The following TEC variants were observed in gnomAD, a reference collection of about 807,000 sequenced individuals.
TEC encodes the protein tyrosine-protein kinase Tec.
A neutral mutation model predicts 93.0 loss-of-function variants in TEC; 72 were observed. The ratio of observed to expected loss-of-function variants is 0.77; its 90% CI spans 0.64 to 0.94. TEC has a LOEUF of 0.94. Ranked by LOEUF, TEC falls within the 40% of genes least tolerant of loss-of-function variation. The pLI is 0.00. For synonymous variants in TEC, 249 were observed against 247.7 expected (o/e 1.01, Z -0.05); for missense variants, 630 against 757.9 (o/e 0.83, Z 1.98).
intron 2 of TEC, among the ~76,000 whole-genome samples, chr4:48,177,892 C>T (rs990941588): frequency 2.7e-4 from 41 of 152,258 alleles, no homozygotes; most frequent in African/African-American, 9.4e-4. Flanking sequence ...TCTTGCCTGC[C>T]GCCATGTAAG....
At position 48,145,569 on chromosome 4, in the gene TEC, C is replaced by T; in HGVS notation, c.1092G>A (p.Glu364=). ...TAAAGGTCAGTTCTGAAGGGTTAAT[C>T]TCCCATTTCTCTGCAGGACAGAAAG... is the stretch of plus-strand genomic sequence containing the variant. The part of the protein sequence containing the change: ...TTAGFSYEKW[E]INPSELTFMR... The change falls in exon 13 of 18, where the codon GAG becomes GAA. Residue 364 remains glutamate (E), a synonymous_variant. Transcript: ENST00000381501. 3.7e-6 allele frequency: 6 copies of T among 1,614,070 alleles called. No homozygotes were observed. The highest frequency in any genetic ancestry group is 5.1e-6 in the Non-Finnish European group (6 of 1,179,990).
intron 2 of TEC, among the ~76,000 whole-genome samples, chr4:48,179,372 A>G (rs56981952): frequency 7.4e-5 from 2 of 27,122 alleles, no homozygotes; most frequent in African/African-American, 1.4e-4. Flanking sequence ...ATATATATAT[A>G]TATATTTTTT....
chr4:48,244,649 C>T (rs1017765117), intron 1 of TEC, among the ~76,000 whole-genome samples: 2 of 152,198 alleles, frequency 1.3e-5, no homozygotes, highest in African/African-American at 2.4e-5. Flanking sequence ...TTCAACAAAA[C>T]ATTTTATTTA....
intron 2 of TEC, among the ~76,000 whole-genome samples, chr4:48,198,715 C>T (rs772387012): frequency 6.6e-6 from 1 of 151,726 alleles, no homozygotes; most frequent in Non-Finnish European, 1.5e-5. Flanking sequence ...TTTAAAAGGC[C>T]CCAGCTGGAA....
At chr4:48,257,951 G>A (rs2109676605) in intron 1 of TEC, among the ~76,000 whole-genome samples, 1 of 152,290 alleles carries the variant, frequency 6.6e-6, no homozygotes. Flanking sequence ...GAAGCAACAT[G>A]AAAATGGGTA....
chr4:48,151,349 ATT>A (rs1260200045), intron 9 of TEC, among the ~76,000 whole-genome samples: 1 of 152,162 alleles, frequency 6.6e-6, no homozygotes, highest in Non-Finnish European at 1.5e-5. Flanking sequence ...CATTTTTTGT[ATT>A]TGTTATAAGC....
chr4:48,150,924 TA>T lies in TEC; in HGVS notation c.810del (p.Phe270LeufsTer3). ...CCTGGTTGACTGGAATCCCTTACCATAAAACCACCTTCTTTATCCTAAAATC... is the reference window on the plus strand; with the variant it reads ...CCTGGTTGACTGGAATCCCTTACCATAAACCACCTTCTTTATCCTAAAATC... ...LLRSEDKEGG[F>X]MVRDSSQPGL... On this transcript the variant is annotated frameshift_variant, in exon 10 of 18. Transcript: ENST00000381501. LOFTEE classifies it high-confidence loss of function. The T allele has an allele frequency of 6.3e-7, 1 of 1,587,118 alleles. No individual in the cohort carries two copies. Among genetic ancestry groups the T allele is most frequent in the Non-Finnish European group, 8.6e-7 (1 of 1,167,720 alleles).
rs1719447620 is a variant in TEC, at chr4:48,136,880, CT to C, written c.*535del. ...GCATACAAATATTGTTCATGTAATA[CT>C]AAGAGCAGTCTTGAAAACTGAGATG... On this transcript the variant is annotated 3_prime_UTR_variant, in exon 18 of 18. Coordinates refer to ENST00000381501, the MANE Select transcript of TEC (RefSeq NM_003215.3). 2 of 151,860 alleles carry C rather than the reference CT, an allele frequency of 1.3e-5. No individual in the cohort carries two copies. Among genetic ancestry groups the C allele is most frequent in the Non-Finnish European group, 2.9e-5 (2 of 68,020 alleles). 9.4% of individuals were successfully genotyped at this position (151,860 alleles called of 1,614,324 possible).
chr4:48,233,232 AG>A (rs1723694172), intron 1 of TEC, among the ~76,000 whole-genome samples: 1 of 152,184 alleles, frequency 6.6e-6, no homozygotes, highest in African/African-American at 2.4e-5. Context: ...AAAGTCTTGA[AG>A]ACACAGACAT....
At chr4:48,184,856 A>G (rs1721737884) in intron 2 of TEC, among the ~76,000 whole-genome samples, 1 of 151,954 alleles carries the variant, frequency 6.6e-6, no homozygotes, top group Non-Finnish European at 1.5e-5. Flanking sequence ...AGAAGACAAA[A>G]TTTAGAACTT....
rs1426079303 is a variant in TEC at position 48,253,535 on chromosome 4, A to G, written c.-46+16217T>C. 2.7e-5 allele frequency among the ~76,000 whole-genome samples: 4 copies of G among 149,258 alleles called. No homozygotes were observed. In the East Asian group the frequency reaches 7.8e-4, roughly 29 times the overall value. ...TTCCACCTGCATACTCCTTAGGGTC[A>G]TTCCTCAATCCTAAATAAATGTAAT... is the stretch of plus-strand genomic sequence containing the variant. On this transcript the variant is annotated intron_variant, in intron 1 of 17. Transcript: ENST00000381501.
chr4:48,194,103 G>A (rs16861114), intron 2 of TEC, among the ~76,000 whole-genome samples: 4,526 of 152,266 alleles, frequency 0.03, 128 homozygotes, highest in African/African-American at 0.077. Flanking sequence ...ATAACCCAGA[G>A]CAATGACAGC....
At chr4:48,156,441 G>A (rs1029524088) in intron 9 of TEC, among the ~76,000 whole-genome samples, 1 of 152,136 alleles carries the variant, frequency 6.6e-6, no homozygotes, top group African/African-American at 2.4e-5. Context: ...GGGGATAACT[G>A]TCCTGAGGCC....
rs555770082 is a variant in TEC, at chr4:48,262,353, G to A, written c.-46+7399C>T. ...CTGGAATTACAGGCACGTGCCACCAGGCCCACCTAATTTTTGTATTTTTAG... is the reference window on the plus strand; with the variant it reads ...CTGGAATTACAGGCACGTGCCACCAAGCCCACCTAATTTTTGTATTTTTAG... On this transcript the variant is annotated intron_variant, in intron 1 of 17. Transcript: ENST00000381501. 4.0e-5 allele frequency among the ~76,000 whole-genome samples: 6 copies of A among 151,532 alleles called. No homozygotes were observed. In the South Asian group the frequency reaches 1.3e-3, roughly 32 times the overall value.
chr4:48,255,669 T>C (rs893614867), intron 1 of TEC, among the ~76,000 whole-genome samples: 25 of 152,214 alleles, frequency 1.6e-4, no homozygotes, highest in Non-Finnish European at 2.9e-4. Flanking sequence ...GTAAGTAATG[T>C]AACTTCTCAG....
chr4:48,156,948 C>T (rs1720427632), intron 8 of TEC, among the ~76,000 whole-genome samples: 1 of 152,048 alleles, frequency 6.6e-6, no homozygotes, highest in South Asian at 2.1e-4. Context: ...TGTATGTATG[C>T]CCATATTCTT....
chr4:48,198,758 T>C (rs1722390130), intron 2 of TEC, among the ~76,000 whole-genome samples: 1 of 152,104 alleles, frequency 6.6e-6, no homozygotes, highest in Admixed American at 6.5e-5. Flanking sequence ...AAAATATATT[T>C]TTTTCTCTCC....
Position 48,167,798 on chromosome 4 carries a change from C to G in TEC, c.651G>C (p.Trp217Cys), listed in dbSNP as rs747656157. The G allele has an allele frequency of 6.2e-7, 1 of 1,613,762 alleles. No homozygotes were observed. Among genetic ancestry groups the G allele is most frequent in the Admixed American group, 1.7e-5 (1 of 60,008 alleles). Residue 217 changes from tryptophan (W) to cysteine (C), a missense_variant, in exon 7 of 18, where the codon TGG becomes TGC. Coordinates refer to ENST00000381501, the MANE Select transcript of TEC (RefSeq NM_003215.3). ...CTTACCCATATTTATCTCTTGCTCT[C>G]CACCAATGAACATCATTCTTTTCTA... ...LILEKNDVHW[W>C]RARDKYGNEG...
chr4:48,159,964 C>T (rs1720560884), intron 8 of TEC, among the ~76,000 whole-genome samples: 1 of 152,152 alleles, frequency 6.6e-6, no homozygotes, highest in African/African-American at 2.4e-5. Context: ...ACATCTTCCC[C>T]CAGGCCCCTG....
Sources: allele counts gnomAD v4.1 joint callset (sites outside exome capture counted in the v4.1 genomes callset), GRCh38; gene constraint gnomAD v4.1.1; transcripts MANE v1.5; gene names NCBI Gene and HGNC (gene_info 2026-07-23, HGNC 2026-07-21).